Variants in GARNL3 observed in about 807,000 individuals in gnomAD.
GARNL3 encodes the protein GTPase activating Rap/RanGAP domain like 3, also known as GTPase-activating Rap/Ran-GAP domain-like protein 3.
In GARNL3, 63 loss-of-function variants were observed where a neutral mutation model predicts 125.0. The observed-to-expected ratio is 0.50, with a 90% CI of 0.41 to 0.62. The LOEUF (loss-of-function observed/expected upper bound fraction) is 0.62, where lower values mean the gene tolerates loss of function less well. Ranked by LOEUF, GARNL3 falls within the 20% of genes least tolerant of loss-of-function variation. The pLI, the probability that GARNL3 is intolerant of heterozygous loss-of-function variation, is 0.00. For missense variants in GARNL3, 994 were observed against 1,244.0 expected (o/e 0.80, Z 3.02); for synonymous variants, 439 against 457.5 (o/e 0.96, Z 0.52).
intron 2 of GARNL3, among the ~76,000 whole-genome samples, chr9:127,291,588 G>A (rs2064417409): frequency 6.6e-6 from 1 of 152,174 alleles, no homozygotes; most frequent in Non-Finnish European, 1.5e-5. Flanking sequence ...CAGGGTCCAG[G>A]AGGGAGATGC....
intron 1 of GARNL3, chr9:127,225,426 C>T: frequency 3.2e-6 from 3 of 947,590 alleles, no homozygotes; most frequent in Non-Finnish European, 3.8e-6. Flanking sequence ...GGGAGGGGTG[C>T]GGCCGGGCGG....
Position 127,280,952 on chromosome 9 carries a change from A to C in GARNL3, c.145-10216A>C, listed in dbSNP as rs2064086081. Among the ~76,000 whole-genome samples, 1 of 152,172 alleles carries C rather than the reference A, an allele frequency of 6.6e-6. No individual in the cohort carries two copies. The highest frequency in any genetic ancestry group is 1.5e-5 in the Non-Finnish European group (1 of 68,018). The stretch of plus-strand genomic sequence containing the variant: ...TGGCTCAGAAGATTGGATGGTGGTG[A>C]GGATCTAGCCATAATCAAATAGCAT... On this transcript the variant is annotated intron_variant, in intron 1 of 27. Transcript: ENST00000373387. This position sits in a 1 kb window ranked among gnomAD's most constrained non-coding sequence, Gnocchi z 4.5.
intron 16 of GARNL3, among the ~76,000 whole-genome samples, chr9:127,347,467 T>C (rs7041940): frequency 0.6 from 91,082 of 151,942 alleles, 27,679 homozygotes; most frequent in African/African-American, 0.66. Flanking sequence ...TATGCAGCAT[T>C]TGAGTACAAT....
At chr9:127,362,922 G>A (rs929934894) in intron 21 of GARNL3, 7 of 152,248 alleles carry the variant, frequency 4.6e-5, no homozygotes, top group African/African-American at 1.2e-4. Flanking sequence ...CTGAAGGTCC[G>A]AGAGGGGAAA....
chr9:127,332,402 G>A, intron 8 of GARNL3, 53 bp downstream of exon 8: 2 of 1,417,534 alleles, frequency 1.4e-6, no homozygotes, highest in Non-Finnish European at 2.0e-6. Flanking sequence ...CTGCCTTGTT[G>A]CATTCTTGCC....
intron 7 of GARNL3, among the ~76,000 whole-genome samples, chr9:127,331,211 G>A (rs899665205): frequency 1.3e-5 from 2 of 152,096 alleles, no homozygotes; most frequent in African/African-American, 4.8e-5. Flanking sequence ...ACTACTGGCC[G>A]GGCATGGTGG....
intron 1 of GARNL3, among the ~76,000 whole-genome samples, chr9:127,226,414 C>T (rs1482868352): frequency 6.6e-6 from 1 of 152,222 alleles, no homozygotes; most frequent in Non-Finnish European, 1.5e-5. Context: ...GTGAGCCTGG[C>T]ATATAAGCAT....
At chr9:127,246,684 G>T (rs2063309755) in intron 2 of GARNL3, among the ~76,000 whole-genome samples, 1 of 152,106 alleles carries the variant, frequency 6.6e-6, no homozygotes, top group South Asian at 2.1e-4. Flanking sequence ...ACATGTGCCT[G>T]TAGTCCCAGC....
intron 6 of GARNL3, among the ~76,000 whole-genome samples, chr9:127,324,463 C>T (rs768009529): frequency 5.3e-5 from 8 of 152,174 alleles, no homozygotes; most frequent in Non-Finnish European, 8.8e-5. Flanking sequence ...TCCTGACCCT[C>T]GTCGCCTCTG....
chr9:127,387,468 C>G lies in GARNL3; in HGVS notation c.2527+137C>G, dbSNP rs1020949525. ...CCATTAAAAAAAGAAACTAGCTGAGCGTGGTGGCTCACCCCTATAATCCCA... is the reference window on the plus strand; with the variant it reads ...CCATTAAAAAAAGAAACTAGCTGAGGGTGGTGGCTCACCCCTATAATCCCA... On this transcript the variant is annotated intron_variant, in intron 25 of 27. Transcript: ENST00000373387. The G allele has an allele frequency of 1.9e-5, 17 of 897,992 alleles. No individual in the cohort carries two copies. In the South Asian group the frequency reaches 3.1e-4, roughly 16 times the overall value. The allele number at this position is 897,992 out of a possible 1,614,324, so 55.6% of individuals were successfully genotyped here.
At chr9:127,322,715 G>A (rs1230594637) in intron 6 of GARNL3, among the ~76,000 whole-genome samples, 1 of 152,138 alleles carries the variant, frequency 6.6e-6, no homozygotes, top group Admixed American at 6.5e-5. Context: ...TCTTAAAAAT[G>A]GTAGGAGCCA....
chr9:127,292,340 C>T (rs1285511896), intron 2 of GARNL3, among the ~76,000 whole-genome samples: 1 of 152,182 alleles, frequency 6.6e-6, no homozygotes, highest in Non-Finnish European at 1.5e-5. Flanking sequence ...TGCTTCTGAA[C>T]CTTAGAAACA....
chr9:127,332,699 T>A (rs768034631), intron 8 of GARNL3, among the ~76,000 whole-genome samples: 2 of 152,136 alleles, frequency 1.3e-5, no homozygotes, highest in Non-Finnish European at 2.9e-5. Context: ...TTCCTAATAT[T>A]TAGCACTTTT....
Position 127,390,737 on chromosome 9 carries a change from CA to C in GARNL3, c.2841del (p.Ala949GlnfsTer2). On this transcript the variant is annotated frameshift_variant, in exon 27 of 28. Transcript: ENST00000373387. LOFTEE classifies it low-confidence loss of function (END_TRUNC). ...RLEESQGGPK[P>X]GAVRSSSSDR... ...GAAGAAAGCCAAGGAGGCCCCAAGCCAGGGGCAGTGAGGTCATCTAGCAGTG... is the reference window on the plus strand; with the variant it reads ...GAAGAAAGCCAAGGAGGCCCCAAGCCGGGGCAGTGAGGTCATCTAGCAGTG... 6.2e-7 allele frequency: 1 copy of C among 1,613,814 alleles called. No homozygotes were observed. The highest frequency in any genetic ancestry group is 8.5e-7 in the Non-Finnish European group (1 of 1,179,784).
Position 127,320,740 on chromosome 9 carries a change from A to G in GARNL3, c.529A>G (p.Lys177Glu). 2 of 1,612,644 alleles carry G rather than the reference A, an allele frequency of 1.2e-6. No individual in the cohort carries two copies. The highest frequency in any genetic ancestry group is 1.7e-6 in the Non-Finnish European group (2 of 1,178,730). Residue 177 changes from lysine (K) to glutamate (E), a missense_variant, in exon 6 of 28, where the codon AAA becomes GAA. Around this residue, in one of 5 missense-constraint regions of GARNL3, gnomAD observed 139 missense variants for 231.6 expected, o/e 0.60. Transcript: ENST00000373387. ...TGCCATGAATCTGGACAAATTTGAG[A>G]AAGGCCCCAGGGAAATTTTTCATCC... Reference protein sequence around the residue: ...LSAMNLDKFEKGPREIFHPEI... With the variant: ...LSAMNLDKFEEGPREIFHPEI...
rs192716268 is a variant in GARNL3 at position 127,370,867 on chromosome 9, T to C, written c.2161+5501T>C. 1.4e-3 allele frequency among the ~76,000 whole-genome samples: 219 copies of C among 152,336 alleles called. 1 individual carries two copies. The highest frequency in any genetic ancestry group is 2.9e-3 in the South Asian group (14 of 4,830). On this transcript the variant is annotated intron_variant, in intron 22 of 27. Transcript: ENST00000373387. ...AGCTTGATTGCCAGTGTGCTGCTGC[T>C]GACTCCCAGGTCTCTCCAGTCCAGA... is the stretch of plus-strand genomic sequence containing the variant.
intron 1 of GARNL3, 110 bp from the exon 2 acceptor site, chr9:127,291,058 G>T: frequency 9.2e-7 from 1 of 1,081,622 alleles, no homozygotes; most frequent in Non-Finnish European, 1.4e-6. Context: ...TAGCTTCTAG[G>T]CTGGGCACTC....
chr9:127,291,726 CTTTTTTT>C (rs142800268), intron 2 of GARNL3, among the ~76,000 whole-genome samples: 1 of 59,304 alleles, frequency 1.7e-5, no homozygotes, highest in African/African-American at 7.0e-5. Context: ...ACTCACCTTG[CTTTTTTT>C]TTTTTTTTTT....
chr9:127,332,200 C>T (rs994837784), intron 7 of GARNL3, 74 bp from the exon 8 acceptor site: 23 of 1,106,322 alleles, frequency 2.1e-5, no homozygotes, highest in African/African-American at 1.7e-4. Context: ...TGCTAAGTCA[C>T]GAACAGCCCA....
Sources: allele counts gnomAD v4.1 joint callset (sites outside exome capture counted in the v4.1 genomes callset), GRCh38; gene constraint gnomAD v4.1.1; regional missense constraint gnomAD v4.1.1; non-coding constraint Gnocchi (gnomAD v3.1); transcripts MANE v1.5; gene names NCBI Gene and HGNC (gene_info 2026-07-23, HGNC 2026-07-21).